SPIRE1: variants seen among roughly 807,000 people sequenced by gnomAD.
SPIRE1 encodes the protein protein spire homolog 1.
Under a neutral mutation model 94.1 loss-of-function variants are expected in SPIRE1, and 40 were observed. The ratio of observed to expected loss-of-function variants is 0.43; its 90% CI spans 0.33 to 0.55. SPIRE1 has a LOEUF of 0.55. SPIRE1 is among the 20% of genes least tolerant of loss of function. The pLI is 0.06. For synonymous variants in SPIRE1, 376 were observed against 371.7 expected (o/e 1.01, Z -0.13); for missense variants, 838 against 975.2 (o/e 0.86, Z 1.87).
At chr18:12,495,955 C>T (rs190871020) in intron 7 of SPIRE1, 61 bp downstream of exon 7, 1 of 1,285,926 alleles carries the variant, frequency 7.8e-7, no homozygotes, top group Admixed American at 1.7e-5. Context: ...GAGATGACAC[C>T]CTAGAGTAGA....
chr18:12,453,161 G>A, intron 13 of SPIRE1, 23 bp from the exon 14 acceptor site: 3 of 1,562,202 alleles, frequency 1.9e-6, no homozygotes, highest in Middle Eastern at 1.7e-4. Flanking sequence ...AATTTAAGAG[G>A]AAAAAAAACA....
At chr18:12,479,607 G>C (rs1283981271) in intron 10 of SPIRE1, 92 bp downstream of exon 10, 4 of 1,212,038 alleles carry the variant, frequency 3.3e-6, no homozygotes, top group African/African-American at 3.0e-5. Flanking sequence ...AAGAGATTAA[G>C]CAACAACTGA....
At position 12,479,681 on chromosome 18, in the gene SPIRE1, G is replaced by A. The variant is rs1446186986; in HGVS notation, c.1404+18C>T. On this transcript the variant is annotated intron_variant, in intron 10 of 16. Coordinates refer to ENST00000409402, the MANE Select transcript of SPIRE1 (RefSeq NM_001128626.2). ...CACCCTCATCTTGGGAGTCAAGCTG[G>A]GTGAACTGGGGCCTCACCTCAGACT... The A allele has an allele frequency of 6.3e-7, 1 of 1,582,696 alleles. No homozygotes were observed. Among genetic ancestry groups the A allele is most frequent in the East Asian group, 2.3e-5 (1 of 44,284 alleles).
chr18:12,556,007 C>T (rs1484310114), intron 2 of SPIRE1, among the ~76,000 whole-genome samples: 1 of 151,978 alleles, frequency 6.6e-6, no homozygotes, highest in Non-Finnish European at 1.5e-5. Context: ...AAAAATCAGT[C>T]ACATTTCCAT....
intron 1 of SPIRE1, among the ~76,000 whole-genome samples, chr18:12,643,777 A>C (rs2038146463): frequency 6.6e-6 from 1 of 152,102 alleles, no homozygotes; most frequent in Admixed American, 6.5e-5. Context: ...TACTACATAT[A>C]CTATATATAG....
In SPIRE1 at chr18:12,598,894, A is replaced by AT. The variant is rs201607364; in HGVS notation, c.372+36167dup. On this transcript the variant is annotated intron_variant, in intron 2 of 16. Transcript: ENST00000409402. ...TTTGTATCACTTTAAGTTTTTTGGC[A>AT]TTTTTTTTGTTTTGATATAATTTTA... is the stretch of plus-strand genomic sequence containing the variant. 1.6e-3 allele frequency among the ~76,000 whole-genome samples: 239 copies of AT among 152,086 alleles called. 1 individual carries two copies. Among genetic ancestry groups the AT allele is most frequent in the East Asian group, 7.5e-3 (39 of 5,172 alleles).
chr18:12,589,196 G>A (rs1259345690), intron 2 of SPIRE1, among the ~76,000 whole-genome samples: 1 of 151,984 alleles, frequency 6.6e-6, no homozygotes, highest in African/African-American at 2.4e-5. Context: ...CAATTTCAGA[G>A]ATGAAGAAAC....
chr18:12,527,303 A>C (rs1435691611), intron 4 of SPIRE1, among the ~76,000 whole-genome samples: 2 of 152,210 alleles, frequency 1.3e-5, no homozygotes, highest in Non-Finnish European at 2.9e-5. Context: ...ACAGGCAGCT[A>C]CTTTATTAAG....
At chr18:12,659,649 G>A (rs2038654078), upstream of SPIRE1, among the ~76,000 whole-genome samples, 1 of 152,114 alleles carries the variant, frequency 6.6e-6, no homozygotes, top group Non-Finnish European at 1.5e-5. Flanking sequence ...CAGCCTGGGG[G>A]ACAGAGCGAG....
intron 13 of SPIRE1, 141 bp downstream of exon 13, chr18:12,454,205 T>C: frequency 1.0e-6 from 1 of 953,350 alleles, no homozygotes; most frequent in Non-Finnish European, 1.6e-6. Context: ...ACATGTACTG[T>C]CTACTAGGAT....
chr18:12,619,103 C>T (rs919883624), intron 2 of SPIRE1, among the ~76,000 whole-genome samples: 2 of 152,090 alleles, frequency 1.3e-5, no homozygotes, highest in South Asian at 4.2e-4. Context: ...AGGCTGGTCT[C>T]GAACTCCCAC....
chr18:12,452,316 T>G lies in SPIRE1; in HGVS notation c.1951A>C (p.Ser651Arg). The G allele has an allele frequency of 6.2e-7, 1 of 1,614,052 alleles. No individual in the cohort carries two copies. The change falls in exon 16 of 17, where the codon AGT becomes CGT. Residue 651 changes from serine to arginine, a missense_variant. Physicochemically the swap from Ser to Arg is moderately radical, Grantham distance 110. Coordinates refer to ENST00000409402, the MANE Select transcript of SPIRE1 (RefSeq NM_001128626.2). ...LGPSALQRGE[S>R]SMRSEKPSTA... Reference sequence around the variant, plus strand: ...GAGGGTTTTTCTGACCTCATACTACTTTCCCCTCTTTGCAGAGCAGAAGGT... The same window carrying G: ...GAGGGTTTTTCTGACCTCATACTACGTTCCCCTCTTTGCAGAGCAGAAGGT...
chr18:12,506,441 G>A (rs1309983252), intron 6 of SPIRE1, 36 bp downstream of exon 6: 4 of 1,603,502 alleles, frequency 2.5e-6, no homozygotes, highest in South Asian at 1.1e-5. Context: ...TTACAGGAGT[G>A]AGCCACATGC....
chr18:12,628,685 G>A (rs928932422), intron 2 of SPIRE1, among the ~76,000 whole-genome samples: 9 of 152,122 alleles, frequency 5.9e-5, no homozygotes, highest in African/African-American at 2.2e-4. Flanking sequence ...CCATAAGCAC[G>A]GAATGTTCTT....
intron 1 of SPIRE1, among the ~76,000 whole-genome samples, chr18:12,655,925 G>A (rs2038526739): frequency 6.6e-6 from 1 of 151,924 alleles, no homozygotes; most frequent in Non-Finnish European, 1.5e-5. Context: ...TTGAGACGGC[G>A]TCTCGCTCTG....
Position 12,493,095 on chromosome 18 carries a change from T to A in SPIRE1, c.1166A>T (p.Glu389Val). ...AERKLRPVSP[E>V]EIRRSRLAMR... ...ACCTAATCTGCTACGTCTAATCTCCTCTGGTGATACAGGCCGCAGCTTTCT... is the reference window on the plus strand; with the variant it reads ...ACCTAATCTGCTACGTCTAATCTCCACTGGTGATACAGGCCGCAGCTTTCT... The change falls in exon 8 of 17, where the codon GAG (glutamate) becomes GTG (valine). Residue 389 changes from glutamate to valine, a missense_variant. By Grantham distance (121) the Glu-to-Val change is moderately radical (BLOSUM62 -2). Around this residue, in one of 2 missense-constraint regions of SPIRE1, gnomAD observed 645 missense variants for 804.7 expected, o/e 0.80. Transcript: ENST00000409402. 1.2e-6 allele frequency: 2 copies of A among 1,613,380 alleles called. No individual in the cohort carries two copies. Among genetic ancestry groups the A allele is most frequent in the Non-Finnish European group, 1.7e-6 (2 of 1,179,894 alleles).
At chr18:12,641,366 CTTTT>C (rs1183704721) in intron 1 of SPIRE1, among the ~76,000 whole-genome samples, 1 of 119,266 alleles carries the variant, frequency 8.4e-6, no homozygotes, top group East Asian at 2.1e-4. Flanking sequence ...ACCCGAATTT[CTTTT>C]TTTCTTTTTT....
At chr18:12,518,481 G>C (rs2034263676) in intron 4 of SPIRE1, among the ~76,000 whole-genome samples, 1 of 148,190 alleles carries the variant, frequency 6.7e-6, no homozygotes, top group Admixed American at 6.8e-5. Flanking sequence ...AAAAGAGCAA[G>C]ACCCTGTCTC....
chr18:12,624,977 C>A (rs1204312979), intron 2 of SPIRE1, among the ~76,000 whole-genome samples: 6 of 148,248 alleles, frequency 4.0e-5, no homozygotes, highest in African/African-American at 1.2e-4. Flanking sequence ...ATTATGTATC[C>A]TATGGTCAAA....
Sources: allele counts gnomAD v4.1 joint callset (sites outside exome capture counted in the v4.1 genomes callset), GRCh38; gene constraint gnomAD v4.1.1; regional missense constraint gnomAD v4.1.1; transcripts MANE v1.5; gene names NCBI Gene and HGNC (gene_info 2026-07-23, HGNC 2026-07-21).